NLGN1: variants seen among roughly 807,000 people sequenced by gnomAD.
The protein encoded by NLGN1 is neuroligin 1, also known as neuroligin-1.
Under a neutral mutation model 65.5 loss-of-function variants are expected in NLGN1, and 12 were observed. The ratio of observed to expected loss-of-function variants is 0.18; its 90% CI spans 0.12 to 0.30. The LOEUF is 0.30. Among genes scored for constraint, NLGN1 ranks in the 10% least tolerant of loss-of-function variants. The probability of loss-of-function intolerance (pLI) is 1.00; values close to 1 mark genes in which losing one functional copy is unlikely to be tolerated. For missense variants in NLGN1, 750 were observed against 1,007.1 expected, an observed-to-expected ratio of 0.74 and a Z score of 3.46; for synonymous variants, 350 against 359.5, an observed-to-expected ratio of 0.97 and a Z score of 0.30.
intron 2 of NLGN1, among the ~76,000 whole-genome samples, chr3:173,566,435 G>A (rs1203483270): frequency 6.6e-6 from 1 of 152,062 alleles, no homozygotes; most frequent in East Asian, 1.9e-4. Context: ...AATGATTTGG[G>A]AATTAAATAA....
intron 4 of NLGN1, among the ~76,000 whole-genome samples, chr3:174,268,107 A>G (rs887569028): frequency 1.3e-5 from 2 of 152,008 alleles, no homozygotes; most frequent in African/African-American, 2.4e-5. Context: ...CGTTTCTTCA[A>G]TGTCATGCTT....
At chr3:173,558,876 G>T (rs142242533) in intron 2 of NLGN1, among the ~76,000 whole-genome samples, 119 of 143,650 alleles carry the variant, frequency 8.3e-4, no homozygotes, top group Non-Finnish European at 1.2e-3. Flanking sequence ...AGTGAATATT[G>T]TAGTAAAGGC....
intron 2 of NLGN1, among the ~76,000 whole-genome samples, chr3:173,490,924 T>G (rs1281815612): frequency 6.6e-6 from 1 of 150,436 alleles, no homozygotes; most frequent in Non-Finnish European, 1.5e-5. Context: ...AGAATGCTTG[T>G]GATTTTTGCA....
chr3:173,759,019 T>C (rs1046082257), intron 3 of NLGN1, among the ~76,000 whole-genome samples: 4 of 151,832 alleles, frequency 2.6e-5, no homozygotes, highest in African/African-American at 9.7e-5. Context: ...TGCATGACGT[T>C]CAGCCTATAC....
chr3:173,833,306 A>T (rs1722955870), intron 4 of NLGN1, among the ~76,000 whole-genome samples: 1 of 152,138 alleles, frequency 6.6e-6, no homozygotes, highest in African/African-American at 2.4e-5. Flanking sequence ...ATATATGTCA[A>T]TTTGATGTGC....
At chr3:173,879,050 C>T (rs1372229090) in intron 4 of NLGN1, among the ~76,000 whole-genome samples, 1 of 151,848 alleles carries the variant, frequency 6.6e-6, no homozygotes, top group Non-Finnish European at 1.5e-5. Flanking sequence ...CTGGCCAACA[C>T]GTTGAAGCCC....
intron 4 of NLGN1, among the ~76,000 whole-genome samples, chr3:173,868,590 A>G (rs1177844221): frequency 6.6e-6 from 1 of 152,136 alleles, no homozygotes; most frequent in Non-Finnish European, 1.5e-5. Flanking sequence ...AAATAGTTCC[A>G]CTTATAGTGA....
chr3:174,230,625 A>T (rs566259673), intron 4 of NLGN1, among the ~76,000 whole-genome samples: 1 of 152,160 alleles, frequency 6.6e-6, no homozygotes, highest in Non-Finnish European at 1.5e-5. Flanking sequence ...CATTGGTCTA[A>T]TGTACAGAAA....
At chr3:173,493,221 G>A (rs1292178212) in intron 2 of NLGN1, among the ~76,000 whole-genome samples, 1 of 151,638 alleles carries the variant, frequency 6.6e-6, no homozygotes, top group Non-Finnish European at 1.5e-5. Flanking sequence ...CACAGCTATT[G>A]AGCCGCTTTT....
At chr3:174,291,076 A>C (rs1335224560), downstream of NLGN1, among the ~76,000 whole-genome samples, 1 of 150,664 alleles carries the variant, frequency 6.6e-6, no homozygotes, top group Non-Finnish European at 1.5e-5. Flanking sequence ...TGCAGACCAA[A>C]GAATGCTTTA....
chr3:174,000,683 G>A (rs1723104821), intron 4 of NLGN1, among the ~76,000 whole-genome samples: 1 of 152,090 alleles, frequency 6.6e-6, no homozygotes, highest in Admixed American at 6.6e-5. Flanking sequence ...ACACAATGAG[G>A]GCAAGAAGGC....
At chr3:174,123,618 A>G (rs545200615) in intron 4 of NLGN1, among the ~76,000 whole-genome samples, 1 of 152,136 alleles carries the variant, frequency 6.6e-6, no homozygotes, top group East Asian at 1.9e-4. Context: ...CCTTTCATAT[A>G]TTCCCGCTTC....
At chr3:174,032,111 T>C (rs918364807) in intron 4 of NLGN1, among the ~76,000 whole-genome samples, 1 of 152,060 alleles carries the variant, frequency 6.6e-6, no homozygotes, top group African/African-American at 2.4e-5. Flanking sequence ...TAAAGAGTAA[T>C]TAGATATACA....
At chr3:174,194,866 TTTC>T (rs1398796379) in intron 4 of NLGN1, among the ~76,000 whole-genome samples, 2 of 148,134 alleles carry the variant, frequency 1.4e-5, no homozygotes, top group Non-Finnish European at 3.0e-5. Flanking sequence ...TTTTTTCTTT[TTTC>T]TTTTTTTTTG....
rs35414458 is a variant in NLGN1 at position 173,802,844 on chromosome 3, CT to C, written c.494-4821del. On this transcript the variant is annotated intron_variant, in intron 3 of 6. Coordinates refer to ENST00000457714, the Ensembl canonical transcript of NLGN1. ...AAAAGATATACAAAAGAATGTATAT[CT>C]TTTTTTTTTTTTTTGACAGAATTTC... is the stretch of plus-strand genomic sequence containing the variant. Among the ~76,000 whole-genome samples the C allele has an allele frequency of 6.3e-3, 889 of 142,066 alleles. 2 individuals are homozygous for C. The highest frequency in any genetic ancestry group is 0.015 in the Middle Eastern group (4 of 272). The allele number at this position is 142,066 out of a possible 152,430, so 93.2% of individuals were successfully genotyped here.
intron 4 of NLGN1, among the ~76,000 whole-genome samples, chr3:174,110,449 C>T (rs529947293): frequency 2.0e-5 from 3 of 152,006 alleles, no homozygotes; most frequent in African/African-American, 4.8e-5. Context: ...CCAGAAAAAG[C>T]GTAAAACCTG....
intron 5 of NLGN1, among the ~76,000 whole-genome samples, chr3:174,277,719 T>C (rs1750848505): frequency 6.6e-6 from 1 of 151,860 alleles, no homozygotes; most frequent in African/African-American, 2.4e-5. Flanking sequence ...TTCAGAATTA[T>C]ATAGGAACAT....
At chr3:173,553,344 G>A (rs146921524) in intron 2 of NLGN1, among the ~76,000 whole-genome samples, 5,424 of 152,262 alleles carry the variant, frequency 0.036, 138 homozygotes, top group Middle Eastern at 0.15. Flanking sequence ...TTGTCCACTA[G>A]AATAGGAATG....
At chr3:174,275,253 A>AATT (rs1378018571) in intron 4 of NLGN1, 62 bp from the exon 5 acceptor site, 55 of 1,246,764 alleles carry the variant, frequency 4.4e-5, no homozygotes, top group Non-Finnish European at 5.8e-6. Context: ...TTTGTGTTTA[A>AATT]ATTTGATGTC....
Sources: allele counts gnomAD v4.1 joint callset (sites outside exome capture counted in the v4.1 genomes callset), GRCh38; gene constraint gnomAD v4.1.1; transcripts MANE v1.5; gene names NCBI Gene and HGNC (gene_info 2026-07-23, HGNC 2026-07-21).